Variants in SDK1 observed in about 807,000 individuals in gnomAD.
The protein encoded by SDK1 is sidekick cell adhesion molecule 1.
SDK1 carries 157 observed loss-of-function variants against 245.5 expected under a neutral mutation model. The ratio of observed to expected loss-of-function variants is 0.64; its 90% confidence interval spans 0.56 to 0.73. The LOEUF (loss-of-function observed/expected upper bound fraction) is 0.73, where lower values mean the gene tolerates loss of function less well. SDK1 is among the 30% of genes least tolerant of loss of function. SDK1 has a pLI of 0.00. For synonymous variants in SDK1, 1,647 were observed against 1,278.5 expected, an observed-to-expected ratio of 1.29 and a Z score of -6.15; for missense variants, 3,583 against 3,002.3, an observed-to-expected ratio of 1.19 and a Z score of -4.52.
In SDK1 at chr7:3,511,575, C is replaced by G. The variant is rs531260475; in HGVS notation, c.299-107505C>G. ...TCAAAATGTTTGTTTAGCAGTTATT[C>G]CTGTCTTCTTAACATTGTTGATCTT... is the stretch of plus-strand genomic sequence containing the variant. On this transcript the variant is annotated intron_variant, in intron 1 of 44. Transcript: ENST00000404826. Among the ~76,000 whole-genome samples, 178 of 152,088 alleles carry G rather than the reference C, an allele frequency of 1.2e-3. 2 individuals carry two copies. The highest frequency in any genetic ancestry group is 4.1e-3 in the African/African-American group (170 of 41,492).
rs1781776755 is a variant in SDK1, at chr7:3,962,485, C to T, written c.1235-172C>T. On this transcript the variant is annotated intron_variant, in intron 8 of 44. Transcript: ENST00000404826. ...TGTTCCTCTCAACACCCCTCCGTGTCGATGGCTTCATCTACAACGAGAAAA... is the reference window on the plus strand; with the variant it reads ...TGTTCCTCTCAACACCCCTCCGTGTTGATGGCTTCATCTACAACGAGAAAA... 3.3e-5 allele frequency among the ~76,000 whole-genome samples: 5 copies of T among 152,200 alleles called. No homozygotes were observed. The South Asian group carries it at 8.3e-4, about 25-fold the overall frequency.
chr7:3,503,130 CT>C (rs1175906918), intron 1 of SDK1, among the ~76,000 whole-genome samples: 1 of 152,074 alleles, frequency 6.6e-6, no homozygotes, highest in Non-Finnish European at 1.5e-5. Flanking sequence ...TCTTGTCCTC[CT>C]CTGCAAATGG....
chr7:3,377,773 T>G (rs1239296059), intron 1 of SDK1, among the ~76,000 whole-genome samples: 1 of 152,068 alleles, frequency 6.6e-6, no homozygotes, highest in Non-Finnish European at 1.5e-5. Flanking sequence ...ATTTTATCAT[T>G]TATTTATTAT....
intron 4 of SDK1, among the ~76,000 whole-genome samples, chr7:3,765,496 G>T (rs1780228775): frequency 6.6e-6 from 1 of 152,174 alleles, no homozygotes; most frequent in Non-Finnish European, 1.5e-5. Context: ...GCGCTGTGGT[G>T]AATGGTTTGT....
chr7:4,206,050 C>T (rs139530213), intron 36 of SDK1, 56 bp downstream of exon 36: 74 of 1,171,136 alleles, frequency 6.3e-5, no homozygotes, highest in Non-Finnish European at 8.2e-5. Flanking sequence ...CCCTCGTTCA[C>T]GTGGTCCTGC....
chr7:3,426,352 TGA>T (rs1779675903), intron 1 of SDK1, among the ~76,000 whole-genome samples: 1 of 152,084 alleles, frequency 6.6e-6, no homozygotes, highest in African/African-American at 2.4e-5. Context: ...ATGGGCAGGG[TGA>T]GAGTGGGTTC....
rs574474424 is a variant in SDK1 at position 3,306,783 on chromosome 7, G to A, written c.298+4899G>A. ...GAATACATAGGATTTGGCGTCTAAG[G>A]TGGCAGAGGTGTGTGGCATGTAGTG... On this transcript the variant is annotated intron_variant, in intron 1 of 44. Transcript: ENST00000404826. 1.1e-3 allele frequency among the ~76,000 whole-genome samples: 168 copies of A among 152,280 alleles called. 1 individual carries two copies. In the South Asian group the frequency reaches 0.019, roughly 18 times the overall value.
intron 35 of SDK1, chr7:4,179,168 G>A (rs373240066): frequency 6.6e-6 from 1 of 152,390 alleles, no homozygotes; most frequent in Admixed American, 6.5e-5. Flanking sequence ...CGTGCCGCAG[G>A]TAATGAGAGC....
chr7:4,236,769 G>A (rs1403749600), intron 41 of SDK1, among the ~76,000 whole-genome samples: 1 of 152,152 alleles, frequency 6.6e-6, no homozygotes, highest in Non-Finnish European at 1.5e-5. Flanking sequence ...TGTGAGTGCT[G>A]TGCGCAGGCA....
At position 4,267,060 on chromosome 7, in the gene SDK1, C is replaced by T; in HGVS notation, c.*1676C>T. On this transcript the variant is annotated 3_prime_UTR_variant, in exon 45 of 45. Transcript: ENST00000404826. Reference sequence around the variant, plus strand: ...GTGTGGATATTGCCTGGATTCTGTGCTGTCAGCGTTGCTGAGTATGGCCCC... The same window carrying T: ...GTGTGGATATTGCCTGGATTCTGTGTTGTCAGCGTTGCTGAGTATGGCCCC... 3.0e-6 allele frequency: 3 copies of T among 985,496 alleles called. No homozygotes were observed. The highest frequency in any genetic ancestry group is 3.6e-6 in the Non-Finnish European group (3 of 829,938). The allele number at this position is 985,496 out of a possible 1,614,324, so 61.0% of individuals were successfully genotyped here. A position where few individuals can be genotyped will look rare whatever the true frequency, so the allele number is the denominator to read the frequency against.
At chr7:3,917,358 G>T (rs1355886697) in intron 5 of SDK1, among the ~76,000 whole-genome samples, 1 of 152,148 alleles carries the variant, frequency 6.6e-6, no homozygotes, top group Non-Finnish European at 1.5e-5. Context: ...GGGATATCAG[G>T]TGTCCTCTTT....
Position 3,414,626 on chromosome 7 carries a change from T to G in SDK1, c.298+112742T>G, listed in dbSNP as rs191141119. ...TGTCTACTATAAAATTTATTTAAAA[T>G]TGCACAATTGTGATTTTTCACATAA... On this transcript the variant is annotated intron_variant, in intron 1 of 44. Transcript: ENST00000404826. Among the ~76,000 whole-genome samples the G allele has an allele frequency of 1.2e-3, 189 of 152,312 alleles. 4 individuals are homozygous for G. Among genetic ancestry groups the G allele is most frequent in the African/African-American group, 4.4e-3 (183 of 41,572 alleles).
At chr7:3,402,854 T>C (rs1027949373) in intron 1 of SDK1, among the ~76,000 whole-genome samples, 2 of 152,256 alleles carry the variant, frequency 1.3e-5, no homozygotes, top group African/African-American at 2.4e-5. Flanking sequence ...TTTGCACTTA[T>C]ATAAATGTGA....
intron 4 of SDK1, among the ~76,000 whole-genome samples, chr7:3,812,754 C>G (rs1386330586): frequency 1.3e-5 from 2 of 152,242 alleles, no homozygotes; most frequent in Non-Finnish European, 1.5e-5. Flanking sequence ...AATCACAGTT[C>G]TGAAGTTTAA....
chr7:3,994,894 C>A (rs965604694), intron 14 of SDK1, among the ~76,000 whole-genome samples: 4 of 152,118 alleles, frequency 2.6e-5, no homozygotes, highest in Non-Finnish European at 5.9e-5. Flanking sequence ...AGTACAGGAA[C>A]CTCACTGAGT....
At chr7:3,517,211 TAAG>T (rs1782781886) in intron 1 of SDK1, among the ~76,000 whole-genome samples, 3 of 152,184 alleles carry the variant, frequency 2.0e-5, no homozygotes, top group Non-Finnish European at 4.4e-5. Context: ...ATTAGGTTTA[TAAG>T]AGTGCCCAGT....
chr7:3,988,436 G>C (rs1183575418), intron 14 of SDK1, among the ~76,000 whole-genome samples: 1 of 151,974 alleles, frequency 6.6e-6, no homozygotes, highest in East Asian at 1.9e-4. Flanking sequence ...CAGCAACACT[G>C]ATCTTCCTGA....
At chr7:3,320,897 TA>T (rs58056812) in intron 1 of SDK1, among the ~76,000 whole-genome samples, 225 of 150,626 alleles carry the variant, frequency 1.5e-3, no homozygotes, top group African/African-American at 5.1e-3. Flanking sequence ...AAATGTGGGT[TA>T]AAAAAAAAAT....
At chr7:4,221,180 G>T in intron 39 of SDK1, 59 bp from the exon 40 acceptor site, 3 of 1,598,906 alleles carry the variant, frequency 1.9e-6, no homozygotes, top group South Asian at 1.1e-5. Flanking sequence ...ATCTCACGGG[G>T]TGGGATGTGA....
Sources: gnomAD v4.1 joint callset for allele counts (sites outside exome capture counted in the v4.1 genomes callset) on GRCh38, gnomAD v4.1.1 for gene constraint, MANE v1.5 for transcripts, NCBI Gene and HGNC (gene_info 2026-07-23, HGNC 2026-07-21) for gene names.